Variants in FRMD3 observed in about 807,000 individuals in gnomAD.
FRMD3 encodes FERM domain containing 3.
Under a neutral mutation model 70.2 loss-of-function variants are expected in FRMD3, and 33 were observed. The observed-to-expected ratio is 0.47, with a 90% CI of 0.36 to 0.63. The LOEUF is 0.63. FRMD3 is among the 20% of genes least tolerant of loss of function. The pLI, the probability that FRMD3 is intolerant of heterozygous loss-of-function variation, is 0.00. For missense variants in FRMD3, 632 were observed against 711.4 expected, an observed-to-expected ratio of 0.89 and a Z score of 1.27; for synonymous variants, 279 against 255.9, an observed-to-expected ratio of 1.09 and a Z score of -0.86.
intron 1 of FRMD3, among the ~76,000 whole-genome samples, chr9:83,522,458 AT>A (rs902432709): frequency 4.0e-5 from 6 of 151,750 alleles, no homozygotes; most frequent in African/African-American, 1.2e-4. Flanking sequence ...AAAGAAAAAG[AT>A]TTTTTTTAAT....
chr9:83,273,040 G>A (rs556678166), intron 13 of FRMD3, among the ~76,000 whole-genome samples: 809 of 64,752 alleles, frequency 0.012, 16 homozygotes, highest in African/African-American at 0.066. Flanking sequence ...CAGCTGCCCC[G>A]TCCGGGAGGT....
chr9:83,473,644 G>A (rs150201096), intron 1 of FRMD3, among the ~76,000 whole-genome samples: 100 of 152,156 alleles, frequency 6.6e-4, no homozygotes, highest in African/African-American at 2.3e-3. Context: ...ATACACTTTC[G>A]CCAACAAGAA....
chr9:83,557,537 C>T, the FRMD3 span, among the ~76,000 whole-genome samples: 2 of 152,180 alleles, frequency 1.3e-5, no homozygotes, highest in Non-Finnish European at 2.9e-5. Flanking sequence ...GATTAGCAGA[C>T]ACATGGATGA....
intron 13 of FRMD3, among the ~76,000 whole-genome samples, chr9:83,270,473 C>A (rs1011234754): frequency 5.9e-5 from 9 of 152,162 alleles, no homozygotes; most frequent in Non-Finnish European, 1.5e-5. Flanking sequence ...GGTGCCTTGA[C>A]TGTAAAATGG....
At chr9:83,269,357 G>GT (rs971586363) in intron 13 of FRMD3, among the ~76,000 whole-genome samples, 2 of 152,280 alleles carry the variant, frequency 1.3e-5, no homozygotes, top group African/African-American at 4.8e-5. Flanking sequence ...TTTTATTTCT[G>GT]TTTTTTTCTA....
chr9:83,562,321 G>A, the FRMD3 span, among the ~76,000 whole-genome samples: 1 of 152,204 alleles, frequency 6.6e-6, no homozygotes, highest in Non-Finnish European at 1.5e-5. Flanking sequence ...GAGAGGGAAA[G>A]TGAAATCGCA....
chr9:83,443,850 G>A (rs997225721), intron 1 of FRMD3, among the ~76,000 whole-genome samples: 27 of 152,104 alleles, frequency 1.8e-4, no homozygotes, highest in African/African-American at 6.5e-4. Context: ...GTGTGAGATG[G>A]CATCTCATTG....
At chr9:83,282,584 G>A (rs2118915859) in intron 13 of FRMD3, among the ~76,000 whole-genome samples, 1 of 150,736 alleles carries the variant, frequency 6.6e-6, no homozygotes, top group African/African-American at 2.4e-5. Context: ...AAGAATCAGA[G>A]TTAAGAGCTA....
chr9:83,502,213 C>A (rs946043782), intron 1 of FRMD3, among the ~76,000 whole-genome samples: 1 of 152,182 alleles, frequency 6.6e-6, no homozygotes, highest in African/African-American at 2.4e-5. Context: ...TAAATATGCA[C>A]TGGTCCCTGC....
intron 13 of FRMD3, among the ~76,000 whole-genome samples, chr9:83,251,120 A>C (rs1832398165): frequency 6.6e-6 from 1 of 152,116 alleles, no homozygotes; most frequent in South Asian, 2.1e-4. Context: ...GGCCAGCAAC[A>C]AGTCAGTACA....
chr9:83,448,645 C>T (rs1827550902), intron 1 of FRMD3, among the ~76,000 whole-genome samples: 1 of 152,152 alleles, frequency 6.6e-6, no homozygotes, highest in African/African-American at 2.4e-5. Context: ...CTGAGCCACT[C>T]TCCATTCCCC....
chr9:83,505,498 AG>A (rs1327082231), intron 1 of FRMD3, among the ~76,000 whole-genome samples: 1 of 152,164 alleles, frequency 6.6e-6, no homozygotes, highest in Non-Finnish European at 1.5e-5. Context: ...GCGATAGGAC[AG>A]GTGGCCTGAG....
the FRMD3 span, among the ~76,000 whole-genome samples, chr9:83,568,955 G>GATACATACATACATAC: frequency 6.9e-3 from 898 of 130,792 alleles, 12 homozygotes; most frequent in African/African-American, 0.02. Context: ...TAGATAGATA[G>GATACATACATACATAC]ATACATACAT....
chr9:83,478,243 C>T (rs1157547715), intron 1 of FRMD3, among the ~76,000 whole-genome samples: 1 of 152,190 alleles, frequency 6.6e-6, no homozygotes, highest in African/African-American at 2.4e-5. Flanking sequence ...GTGTTCCTCC[C>T]ATAAGAAGGG....
At chr9:83,468,272 T>C (rs1403680345) in intron 1 of FRMD3, among the ~76,000 whole-genome samples, 1 of 152,226 alleles carries the variant, frequency 6.6e-6, no homozygotes, top group East Asian at 1.9e-4. Flanking sequence ...TATAAGAAAA[T>C]AGATGTGACT....
At position 83,246,085 on chromosome 9, in the gene FRMD3, A is replaced by G. The variant is rs1217297808; in HGVS notation, c.*1833T>C. 2 of 985,268 alleles carry G rather than the reference A, an allele frequency of 2.0e-6. No homozygotes were observed. The highest frequency in any genetic ancestry group is 1.7e-5 in the African/African-American group (1 of 57,218). The allele number at this position is 985,268 out of a possible 1,614,324, so 61.0% of individuals were successfully genotyped here. On this transcript the variant is annotated 3_prime_UTR_variant, in exon 14 of 14. Coordinates refer to ENST00000304195, the MANE Select transcript of FRMD3 (RefSeq NM_174938.6). ...ACTGAGTTTCAAAACTCATTTCCAA[A>G]ATTAAATGTCCAGTGAAGTACTCAG...
At chr9:83,541,269 G>T (rs996956659), upstream of FRMD3, among the ~76,000 whole-genome samples, 1 of 152,190 alleles carries the variant, frequency 6.6e-6, no homozygotes, top group Non-Finnish European at 1.5e-5. Context: ...AATTTACATT[G>T]AAGAGTATAT....
At chr9:83,322,066 A>G (rs1835823660) in intron 6 of FRMD3, among the ~76,000 whole-genome samples, 1 of 152,004 alleles carries the variant, frequency 6.6e-6, no homozygotes, top group Non-Finnish European at 1.5e-5. Context: ...GCCTAGTGTT[A>G]AACTCTCTAA....
At chr9:83,549,125 C>T in the FRMD3 span, among the ~76,000 whole-genome samples, 1 of 151,988 alleles carries the variant, frequency 6.6e-6, no homozygotes, top group African/African-American at 2.4e-5. Flanking sequence ...CTCAAGAAGA[C>T]CCCAGTGTCT....
Sources: gnomAD v4.1 joint callset for allele counts (sites outside exome capture counted in the v4.1 genomes callset) on GRCh38, gnomAD v4.1.1 for gene constraint, MANE v1.5 for transcripts, NCBI Gene and HGNC (gene_info 2026-07-23, HGNC 2026-07-21) for gene names.